Variants in LPCAT1 observed in about 807,000 individuals in gnomAD.
LPCAT1 encodes the protein lysophosphatidylcholine acyltransferase 1.
LPCAT1 carries 23 observed loss-of-function variants against 60.9 expected under a neutral mutation model. The ratio of observed to expected loss-of-function variants is 0.38; its 90% CI spans 0.27 to 0.53. The LOEUF (loss-of-function observed/expected upper bound fraction) is 0.53, where lower values mean the gene tolerates loss of function less well. Among genes scored for constraint, LPCAT1 ranks in the 20% least tolerant of loss-of-function variants. LPCAT1 has a pLI of 0.82. For synonymous variants in LPCAT1, 340 were observed against 301.1 expected, an observed-to-expected ratio of 1.13 and a Z score of -1.34; for missense variants, 622 against 723.6, an observed-to-expected ratio of 0.86 and a Z score of 1.61.
rs550683594 is a variant in LPCAT1 at position 1,520,379 on chromosome 5, A to T, written c.135+3331T>A. 7.2e-5 allele frequency among the ~76,000 whole-genome samples: 11 copies of T among 152,240 alleles called. No homozygotes were observed. In the East Asian group the frequency reaches 1.9e-3, roughly 27 times the overall value. On this transcript the variant is annotated intron_variant, in intron 1 of 13. Transcript: ENST00000283415. ...AGGGAGGGGCAGAATCTGTCCCTGG[A>T]CTCAACCCTCATCATAATCCTCTCT...
chr5:1,485,985 G>A (rs1264003283), intron 5 of LPCAT1, among the ~76,000 whole-genome samples: 1 of 152,242 alleles, frequency 6.6e-6, no homozygotes. Flanking sequence ...CCTTCTCACT[G>A]TCTTCGTTCT....
At chr5:1,501,326 G>A (rs1426199405) in intron 2 of LPCAT1, 135 bp downstream of exon 2, 2 of 1,258,438 alleles carry the variant, frequency 1.6e-6, no homozygotes, top group African/African-American at 3.0e-5. Context: ...GGGCAGCCCT[G>A]GTGGACGCTG....
intron 1 of LPCAT1, among the ~76,000 whole-genome samples, chr5:1,519,265 ATGTT>A (rs1365761377): frequency 6.6e-6 from 1 of 152,202 alleles, no homozygotes; most frequent in East Asian, 1.9e-4. Flanking sequence ...GCTTATGTGG[ATGTT>A]TGTGTACACT....
rs1465828315 is a variant in LPCAT1 at position 1,484,898 on chromosome 5, C to G, written c.668-1412G>C. ...GAGCAAGCTCATGCAGTTCACCCAG[C>G]ACTTCTGTGTGCCCAGGTGGACGGG... On this transcript the variant is annotated intron_variant, in intron 5 of 13. Transcript: ENST00000283415. 3.3e-5 allele frequency among the ~76,000 whole-genome samples: 5 copies of G among 152,184 alleles called. No homozygotes were observed. In the East Asian group the frequency reaches 9.6e-4, roughly 29 times the overall value.
Position 1,494,863 on chromosome 5 carries a change from G to A in LPCAT1, c.330C>T (p.Gly110=), listed in dbSNP as rs377431654. The A allele has an allele frequency of 2.4e-5, 39 of 1,612,998 alleles. No individual in the cohort carries two copies. Among genetic ancestry groups the A allele is most frequent in the East Asian group, 2.2e-5 (1 of 44,876 alleles). Residue 110 remains glycine, a synonymous_variant, in exon 3 of 14, where the codon GGC becomes GGT. Transcript: ENST00000283415. The stretch of plus-strand genomic sequence containing the variant: ...CCTTCACGGCCACCCGGTGGAAGCC[G>A]CCGGCGAACCACATGGTGCGCATGA... ...KAIMRTMWFA[G]GFHRVAVKGR...
intron 1 of LPCAT1, among the ~76,000 whole-genome samples, chr5:1,514,619 C>T (rs531062873): frequency 5.9e-5 from 9 of 151,774 alleles, no homozygotes; most frequent in Non-Finnish European, 1.2e-4. Context: ...CACCCTACGC[C>T]GCCAGGCACG....
intron 1 of LPCAT1, among the ~76,000 whole-genome samples, chr5:1,520,194 T>C (rs1462552233): frequency 1.3e-5 from 2 of 152,250 alleles, no homozygotes; most frequent in Non-Finnish European, 1.5e-5. Context: ...GGCACACGAA[T>C]TCCTGTTCTG....
At position 1,483,810 on chromosome 5, in the gene LPCAT1, G is replaced by T. The variant is rs1248343750; in HGVS notation, c.668-324C>A. Reference sequence around the variant, plus strand: ...TGCGCACGAGCTGGAAGACATCCGTGGAGGGACACTTTCTGCTGTAACATC... The same window carrying T: ...TGCGCACGAGCTGGAAGACATCCGTTGAGGGACACTTTCTGCTGTAACATC... On this transcript the variant is annotated intron_variant, in intron 5 of 13. Transcript: ENST00000283415. This position sits in a 1 kb window ranked among gnomAD's most constrained non-coding sequence, Gnocchi z 9.2. 6.7e-6 allele frequency among the ~76,000 whole-genome samples: 1 copy of T among 149,012 alleles called. No homozygotes were observed. Among genetic ancestry groups the T allele is most frequent in the Non-Finnish European group, 1.5e-5 (1 of 67,678 alleles).
chr5:1,479,794 A>C, intron 7 of LPCAT1, 119 bp from the exon 8 acceptor site: 1 of 757,802 alleles, frequency 1.3e-6, no homozygotes, highest in African/African-American at 1.7e-5. Flanking sequence ...CTGGGCAGTC[A>C]ACGCTCCCAC....
In LPCAT1 at chr5:1,477,737, C is replaced by T. The variant is rs1217559428; in HGVS notation, c.817-251G>A. ...GGAGCACCTGCTGCCTACATCAGAA[C>T]ATCTGGCTCTCTGATCTACACTCAC... is the stretch of plus-strand genomic sequence containing the variant. On this transcript the variant is annotated intron_variant, in intron 8 of 13. Coordinates refer to ENST00000283415, the MANE Select transcript of LPCAT1 (RefSeq NM_024830.5). This position sits in a 1 kb window ranked among gnomAD's most constrained non-coding sequence, Gnocchi z 6.0. Among the ~76,000 whole-genome samples, 3 of 151,668 alleles carry T rather than the reference C, an allele frequency of 2.0e-5. No homozygotes were observed. The highest frequency in any genetic ancestry group is 1.9e-4 in the East Asian group (1 of 5,132).
chr5:1,493,662 G>A (rs1420226197), intron 3 of LPCAT1, among the ~76,000 whole-genome samples: 2 of 152,182 alleles, frequency 1.3e-5, no homozygotes, highest in African/African-American at 2.4e-5. Context: ...GGGCCCAGAT[G>A]CCCTGAAGAG....
intron 13 of LPCAT1, among the ~76,000 whole-genome samples, chr5:1,465,447 TAC>T (rs1313451317): frequency 9.3e-5 from 12 of 129,126 alleles, no homozygotes; most frequent in Admixed American, 4.9e-4. Context: ...CAAGCGCAGG[TAC>T]ACACAGTAAC....
intron 1 of LPCAT1, among the ~76,000 whole-genome samples, chr5:1,506,475 T>C (rs1006160492): frequency 9.2e-5 from 14 of 152,298 alleles, no homozygotes; most frequent in African/African-American, 2.9e-4. Context: ...GGCACACCCA[T>C]TGGGATCCCT....
At position 1,461,962 on chromosome 5, in the gene LPCAT1, AC is replaced by A. The variant is rs1043981767; in HGVS notation, c.*1688del. The A allele has an allele frequency of 1.8e-4, 27 of 152,508 alleles. No individual in the cohort carries two copies. The highest frequency in any genetic ancestry group is 6.3e-4 in the African/African-American group (26 of 41,432). The allele number at this position is 152,508 out of a possible 1,614,324, so 9.4% of individuals were successfully genotyped here. On this transcript the variant is annotated 3_prime_UTR_variant, in exon 14 of 14. Coordinates refer to ENST00000283415, the MANE Select transcript of LPCAT1 (RefSeq NM_024830.5). ...CACTAGGATTTCTTCTGTGTCCAAC[AC>A]GCCAAGAGCCCTGAAATTGACTTCG... is the stretch of plus-strand genomic sequence containing the variant.
intron 9 of LPCAT1, 65 bp from the exon 10 acceptor site, chr5:1,474,750 G>A (rs1318720834): frequency 4.5e-6 from 7 of 1,548,578 alleles, no homozygotes; most frequent in Non-Finnish European, 6.1e-6. Flanking sequence ...CGCCCCACCA[G>A]AATAACCGCC....
chr5:1,464,848 G>A (rs1188980106), intron 13 of LPCAT1, among the ~76,000 whole-genome samples: 1 of 145,304 alleles, frequency 6.9e-6, no homozygotes, highest in Non-Finnish European at 1.5e-5. Flanking sequence ...ACACAAGTGT[G>A]TGCACACACA....
intron 1 of LPCAT1, among the ~76,000 whole-genome samples, chr5:1,516,770 C>G (rs13159671): frequency 0.21 from 32,187 of 152,102 alleles, 3,689 homozygotes; most frequent in East Asian, 0.26. Flanking sequence ...TACCAGCCCC[C>G]ACCCCAGCAG....
chr5:1,477,489 G>A lies in LPCAT1; in HGVS notation c.817-3C>T. 1.1e-5 allele frequency: 18 copies of A among 1,610,134 alleles called. No homozygotes were observed. Among genetic ancestry groups the A allele is most frequent in the Non-Finnish European group, 1.5e-5 (18 of 1,177,218 alleles). On this transcript the variant is annotated splice_region_variant and splice_polypyrimidine_tract_variant and intron_variant, in intron 8 of 13. Coordinates refer to ENST00000283415, the MANE Select transcript of LPCAT1 (RefSeq NM_024830.5). This position sits in a 1 kb window ranked among gnomAD's most constrained non-coding sequence, Gnocchi z 6.0. Reference sequence around the variant, plus strand: ...GAAGGGCTGTACACAGGAAGGAACTGAGCACACAGAGAAGCTGCGTTAGTA... The same window carrying A: ...GAAGGGCTGTACACAGGAAGGAACTAAGCACACAGAGAAGCTGCGTTAGTA...
chr5:1,463,822 C>T lies in LPCAT1; in HGVS notation c.1434G>A (p.Arg478=). Residue 478 remains arginine (R), a synonymous_variant, in exon 14 of 14, where the codon AGG becomes AGA. Transcript: ENST00000283415. Reference sequence around the variant, plus strand: ...CGAAGGCAGGGTACATTTCTGCAAACCTGTGGAAGTCAGCTGGAAAGACAA... The same window carrying T: ...CGAAGGCAGGGTACATTTCTGCAAATCTGTGGAAGTCAGCTGGAAAGACAA... The part of the protein sequence containing the change: ...KGKITFADFH[R]FAEMYPAFAE... 8 of 1,614,056 alleles carry T rather than the reference C, an allele frequency of 5.0e-6. No homozygotes were observed. The highest frequency in any genetic ancestry group is 6.8e-6 in the Non-Finnish European group (8 of 1,179,958).
Sources: allele counts gnomAD v4.1 joint callset (sites outside exome capture counted in the v4.1 genomes callset), GRCh38; gene constraint gnomAD v4.1.1; non-coding constraint Gnocchi (gnomAD v3.1); transcripts MANE v1.5; gene names NCBI Gene and HGNC (gene_info 2026-07-23, HGNC 2026-07-21).